The following IL6R variants were observed in gnomAD, a reference collection of about 807,000 sequenced individuals.
The protein encoded by IL6R is interleukin-6 receptor subunit alpha.
A neutral mutation model predicts 48.3 loss-of-function variants in IL6R; 38 were observed. That is an observed-to-expected ratio of 0.79 (90% confidence interval 0.61 to 1.03). The LOEUF is 1.03. Ranked by LOEUF, IL6R falls within the 50% of genes least tolerant of loss-of-function variation. IL6R has a pLI of 0.00. For synonymous variants in IL6R, 264 were observed against 256.2 expected (o/e 1.03, Z -0.29); for missense variants, 534 against 618.3 (o/e 0.86, Z 1.45).
chr1:154,412,105 G>A (rs1031929068), intron 1 of IL6R, among the ~76,000 whole-genome samples: 8 of 149,584 alleles, frequency 5.3e-5, no homozygotes, highest in African/African-American at 9.9e-5. Context: ...CCGCCACGAC[G>A]CCTGGCTAAT....
Position 154,466,438 on chromosome 1 carries a change from T to C in IL6R, c.*1058T>C, listed in dbSNP as rs1691557234. On this transcript the variant is annotated 3_prime_UTR_variant, in exon 10 of 10. Transcript: ENST00000368485. The stretch of plus-strand genomic sequence containing the variant: ...TTGGTTTTTAAAAAACTGCTGACTG[T>C]TTTCTCTTGAGAGGGTGGAATATCC... 6.6e-6 allele frequency: 1 copy of C among 152,198 alleles called. No homozygotes were observed. Among genetic ancestry groups the C allele is most frequent in the Admixed American group, 6.5e-5 (1 of 15,276 alleles). The allele number at this position is 152,198 out of a possible 1,614,324, so 9.4% of individuals were successfully genotyped here.
chr1:154,444,260 G>A (rs937509413), intron 6 of IL6R, among the ~76,000 whole-genome samples: 1 of 150,426 alleles, frequency 6.6e-6, no homozygotes, highest in Non-Finnish European at 1.5e-5. Flanking sequence ...CTAGGCTGGA[G>A]TGCAATGGCG....
intron 1 of IL6R, among the ~76,000 whole-genome samples, chr1:154,425,716 G>A (rs555610179): frequency 2.0e-5 from 3 of 151,596 alleles, no homozygotes; most frequent in African/African-American, 7.3e-5. Context: ...AGAAGTTGCA[G>A]TGAACCATGA....
chr1:154,437,965 C>G (rs893233901), intron 6 of IL6R, among the ~76,000 whole-genome samples: 9 of 151,954 alleles, frequency 5.9e-5, no homozygotes, highest in Admixed American at 2.6e-4. Flanking sequence ...CCACCCGCCT[C>G]GCCCTCCCAA....
chr1:154,428,450 ATGAATACCC>A (rs1271852707), intron 1 of IL6R, among the ~76,000 whole-genome samples: 3 of 152,208 alleles, frequency 2.0e-5, no homozygotes, highest in Non-Finnish European at 4.4e-5. Flanking sequence ...GCATTCTGCC[ATGAATACCC>A]TGCGATTTGG....
intron 9 of IL6R, among the ~76,000 whole-genome samples, chr1:154,464,031 AC>A (rs949006309): frequency 2.0e-5 from 3 of 151,770 alleles, no homozygotes; most frequent in African/African-American, 7.3e-5. Flanking sequence ...GAGCAGTGGG[AC>A]CCTTTTCCTG....
At chr1:154,414,561 G>A (rs544576102) in intron 1 of IL6R, 26 of 745,752 alleles carry the variant, frequency 3.5e-5, no homozygotes, top group South Asian at 1.3e-4. Context: ...TGGTGGCCTC[G>A]GTAAAAGGGA....
intron 9 of IL6R, 147 bp downstream of exon 9, chr1:154,454,728 T>C: frequency 1.5e-6 from 1 of 659,000 alleles, no homozygotes; most frequent in Admixed American, 2.3e-5. Flanking sequence ...ACACAACACC[T>C]ACTATTATGC....
In IL6R at chr1:154,435,126, T is replaced by C; in HGVS notation, c.777T>C (p.Ala259=). The part of the protein sequence containing the change: ...YRLRFELRYR[A]ERSKTFTTWM... ...TACGGTTTGAGCTCAGATATCGGGC[T>C]GAACGGTCAAAGACATTCACAACAT... Residue 259 remains alanine, a synonymous_variant, in exon 5 of 10, where the codon GCT becomes GCC. Coordinates refer to ENST00000368485, the MANE Select transcript of IL6R (RefSeq NM_000565.4). The C allele has an allele frequency of 1.2e-6, 2 of 1,614,196 alleles. No individual in the cohort carries two copies. Among genetic ancestry groups the C allele is most frequent in the African/African-American group, 1.3e-5 (1 of 75,054 alleles).
Position 154,405,537 on chromosome 1 carries a change from ACCGCC to A in IL6R, c.-80_-76del. 1 of 37,382 alleles carries A rather than the reference ACCGCC, an allele frequency of 2.7e-5. No homozygotes were observed. The allele number at this position is 37,382 out of a possible 1,614,324, so 2.3% of individuals were successfully genotyped here. A position where few individuals can be genotyped will look rare whatever the true frequency, so the allele number is the denominator to read the frequency against. ...GGGGCCTGAGCCCGCCTGCCCGCCC[ACCGCC>A]CCGCCCCGCCCCTGCCACCCCTGCC... On this transcript the variant is annotated 5_prime_UTR_variant, in exon 1 of 10. Transcript: ENST00000368485. The surrounding 1 kb of genome is among the most constrained non-coding windows in gnomAD (Gnocchi z 5.2).
chr1:154,434,485 C>G, intron 3 of IL6R, 34 bp from the exon 4 acceptor site: 1 of 1,587,674 alleles, frequency 6.3e-7, no homozygotes, highest in Non-Finnish European at 8.6e-7. Flanking sequence ...GCGAAACTGA[C>G]AGGCAAGCCC....
At chr1:154,449,445 G>A (rs1448753428) in intron 7 of IL6R, among the ~76,000 whole-genome samples, 7 of 152,054 alleles carry the variant, frequency 4.6e-5, no homozygotes, top group East Asian at 1.9e-4. Flanking sequence ...CCTGGGAGGC[G>A]GAGGTTGCAG....
intron 1 of IL6R, chr1:154,418,358 A>C: frequency 2.1e-6 from 2 of 972,060 alleles, no homozygotes; most frequent in Non-Finnish European, 2.4e-6. Context: ...TATGGGTCCA[A>C]AGGAGCCTCC....
intron 6 of IL6R, among the ~76,000 whole-genome samples, chr1:154,439,312 ATAT>A (rs776432789): frequency 2.0e-5 from 3 of 152,106 alleles, no homozygotes; most frequent in Non-Finnish European, 2.9e-5. Flanking sequence ...TTTACCATTT[ATAT>A]TATTATTATT....
intron 6 of IL6R, among the ~76,000 whole-genome samples, chr1:154,446,690 C>T (rs1367635280): frequency 6.6e-6 from 1 of 152,158 alleles, no homozygotes; most frequent in Non-Finnish European, 1.5e-5. Context: ...TGGTCCACAT[C>T]CCTGCTGCTG....
chr1:154,427,552 C>T (rs1439371316), intron 1 of IL6R, among the ~76,000 whole-genome samples: 1 of 152,196 alleles, frequency 6.6e-6, no homozygotes, highest in African/African-American at 2.4e-5. Context: ...CCTTTTCTGC[C>T]AGCCTTGAGG....
intron 1 of IL6R, among the ~76,000 whole-genome samples, chr1:154,408,917 G>A (rs1687880424): frequency 6.6e-6 from 1 of 152,136 alleles, no homozygotes; most frequent in Non-Finnish European, 1.5e-5. Flanking sequence ...GGCTGAGGCA[G>A]GAGGATCTCT....
At chr1:154,407,235 G>A (rs754161000) in intron 1 of IL6R, among the ~76,000 whole-genome samples, 9 of 152,216 alleles carry the variant, frequency 5.9e-5, no homozygotes, top group Non-Finnish European at 8.8e-5. Flanking sequence ...GGCCTCAGGA[G>A]CAAGCAGGGC....
chr1:154,428,058 G>A (rs1689073424), intron 1 of IL6R, among the ~76,000 whole-genome samples: 1 of 152,152 alleles, frequency 6.6e-6, no homozygotes, highest in Non-Finnish European at 1.5e-5. Context: ...AAAACTGGCT[G>A]TGTTCCCTGG....
Sources: gnomAD v4.1 joint callset for allele counts (sites outside exome capture counted in the v4.1 genomes callset) on GRCh38, gnomAD v4.1.1 for gene constraint, Gnocchi (gnomAD v3.1) non-coding constraint, MANE v1.5 for transcripts, NCBI Gene and HGNC (gene_info 2026-07-23, HGNC 2026-07-21) for gene names.